SPAG16: variants seen among roughly 807,000 people sequenced by gnomAD.
The protein encoded by SPAG16 is sperm-associated antigen 16 protein.
Under a neutral mutation model 80.4 loss-of-function variants are expected in SPAG16, and 86 were observed. That is an observed-to-expected ratio of 1.07 (90% CI 0.90 to 1.28). The LOEUF is 1.28. Among genes scored for constraint, SPAG16 ranks in the 50% most tolerant of loss-of-function variants. SPAG16 has a pLI of 0.00. For synonymous variants in SPAG16, 294 were observed against 265.9 expected (o/e 1.11, Z -1.03); for missense variants, 870 against 765.3 (o/e 1.14, Z -1.61).
Position 213,284,495 on chromosome 2 carries a change from G to A in SPAG16, c.12G>A (p.Gln4=), listed in dbSNP as rs1480646944. The A allele has an allele frequency of 1.3e-6, 2 of 1,571,240 alleles. No individual in the cohort carries two copies. Among genetic ancestry groups the A allele is most frequent in the Admixed American group, 1.9e-5 (1 of 53,266 alleles). Residue 4 remains glutamine, a synonymous_variant, in exon 1 of 16, where the codon CAG becomes CAA. Coordinates refer to ENST00000331683, the MANE Select transcript of SPAG16 (RefSeq NM_024532.5). MAA[Q]RGMPSSAVRV... ...CCGAAGCGCCAGAGATGGCTGCTCA[G>A]CGAGGGATGCCCAGCTCCGCCGTGA...
intron 10 of SPAG16, among the ~76,000 whole-genome samples, chr2:213,550,576 A>T (rs2076750893): frequency 6.6e-6 from 1 of 152,052 alleles, no homozygotes. Flanking sequence ...CATTCCACTT[A>T]CTCAAGTATA....
intron 10 of SPAG16, among the ~76,000 whole-genome samples, chr2:213,708,371 A>C (rs2065844364): frequency 6.6e-6 from 1 of 152,220 alleles, no homozygotes; most frequent in Non-Finnish European, 1.5e-5. Flanking sequence ...AGAGTATGTC[A>C]GTGGTAAAAT....
intron 10 of SPAG16, among the ~76,000 whole-genome samples, chr2:213,627,401 T>C (rs2125070587): frequency 6.6e-6 from 1 of 152,350 alleles, no homozygotes; most frequent in South Asian, 2.1e-4. Flanking sequence ...ACACATACTT[T>C]CTTCTTGGCT....
rs1376923092 is a variant in SPAG16 at position 213,844,802 on chromosome 2, C to T, written c.1071-17683C>T. On this transcript the variant is annotated intron_variant, in intron 10 of 15. Transcript: ENST00000331683. ...AGTAACTATTTTTAATGTTTTTAGT[C>T]ATTCGTCTTTATGTAACATTACTTT... Among the ~76,000 whole-genome samples the T allele has an allele frequency of 2.0e-5, 3 of 152,216 alleles. No homozygotes were observed. The South Asian group carries it at 6.2e-4, about 32-fold the overall frequency.
intron 15 of SPAG16, among the ~76,000 whole-genome samples, chr2:214,364,735 G>A (rs1699375721): frequency 6.6e-6 from 1 of 152,140 alleles, no homozygotes; most frequent in African/African-American, 2.4e-5. Context: ...TGAAATACAG[G>A]GACACTTTGG....
chr2:213,796,933 A>AAGACCTTTTAGTG (rs1250052065), intron 10 of SPAG16, among the ~76,000 whole-genome samples: 1 of 28,342 alleles, frequency 3.5e-5, no homozygotes, highest in Non-Finnish European at 1.7e-4. Flanking sequence ...ATTTCTCCTA[A>AAGACCTTTTAGTG]AGACCTTTTA....
intron 10 of SPAG16, among the ~76,000 whole-genome samples, chr2:213,694,735 TCTC>T (rs1462370883): frequency 6.6e-6 from 1 of 151,446 alleles, no homozygotes; most frequent in African/African-American, 2.4e-5. Context: ...CTTGCATTCC[TCTC>T]TTCTTGCCTT....
chr2:214,234,841 C>T (rs1476027970), intron 15 of SPAG16, among the ~76,000 whole-genome samples: 1 of 152,086 alleles, frequency 6.6e-6, no homozygotes, highest in Non-Finnish European at 1.5e-5. Flanking sequence ...CATAGTCACA[C>T]ATGTTCACAT....
intron 10 of SPAG16, among the ~76,000 whole-genome samples, chr2:213,683,432 T>G (rs2064493853): frequency 6.6e-6 from 1 of 152,088 alleles, no homozygotes. Context: ...GCTCCTTTAG[T>G]CCCAGCTTCT....
intron 6 of SPAG16, among the ~76,000 whole-genome samples, chr2:213,341,859 C>A (rs1450308094): frequency 6.6e-6 from 1 of 152,044 alleles, no homozygotes; most frequent in Non-Finnish European, 1.5e-5. Context: ...CCATTTAACA[C>A]AAGTATCTTA....
intron 15 of SPAG16, among the ~76,000 whole-genome samples, chr2:214,269,124 G>T (rs1691806646): frequency 6.6e-6 from 1 of 151,944 alleles, no homozygotes; most frequent in South Asian, 2.1e-4. Flanking sequence ...AGGTATCCAT[G>T]TAATATATAG....
At chr2:214,001,765 T>C (rs1350395302) in intron 12 of SPAG16, among the ~76,000 whole-genome samples, 1 of 152,178 alleles carries the variant, frequency 6.6e-6, no homozygotes, top group Non-Finnish European at 1.5e-5. Context: ...TACTTTACAC[T>C]GAAAGTAAAG....
chr2:213,288,267 T>G (rs1233398883), intron 1 of SPAG16, among the ~76,000 whole-genome samples: 1 of 152,056 alleles, frequency 6.6e-6, no homozygotes, highest in Non-Finnish European at 1.5e-5. Flanking sequence ...GCCATAGTAA[T>G]GTTGACTGAT....
In SPAG16 at chr2:214,215,466, G is replaced by A. The variant is rs191008997; in HGVS notation, c.1720+66200G>A. On this transcript the variant is annotated intron_variant, in intron 15 of 15. Transcript: ENST00000331683. ...TGTTTACTCCTCCCTTCAGAAGCTT[G>A]TAGACCTTATGGTCACCTCCTTCTC... Among the ~76,000 whole-genome samples, 91 of 152,196 alleles carry A rather than the reference G, an allele frequency of 6.0e-4. 1 individual carries two copies. Among genetic ancestry groups the A allele is most frequent in the Non-Finnish European group, 1.0e-3 (69 of 68,008 alleles).
chr2:213,591,788 G>T (rs748198494), intron 10 of SPAG16, among the ~76,000 whole-genome samples: 7 of 152,152 alleles, frequency 4.6e-5, no homozygotes, highest in Non-Finnish European at 8.8e-5. Context: ...TGGCTAAACT[G>T]ACATAAAAGG....
At chr2:213,989,616 C>T (rs556716816) in intron 12 of SPAG16, among the ~76,000 whole-genome samples, 50 of 152,070 alleles carry the variant, frequency 3.3e-4, no homozygotes, top group African/African-American at 1.1e-3. Flanking sequence ...ACTATATTTA[C>T]GTAAGATATG....
chr2:214,216,159 G>C (rs2058426587), intron 15 of SPAG16, among the ~76,000 whole-genome samples: 1 of 152,150 alleles, frequency 6.6e-6, no homozygotes, highest in African/African-American at 2.4e-5. Context: ...GATATTGATT[G>C]GGATTGAAAA....
At chr2:213,462,292 A>C (rs1416319757) in intron 9 of SPAG16, among the ~76,000 whole-genome samples, 2 of 152,218 alleles carry the variant, frequency 1.3e-5, no homozygotes, top group Non-Finnish European at 2.9e-5. Context: ...TATGGAGTTA[A>C]TTTCAGCTGG....
intron 7 of SPAG16, among the ~76,000 whole-genome samples, chr2:213,360,016 G>C (rs1221948134): frequency 6.6e-6 from 1 of 152,124 alleles, no homozygotes; most frequent in African/African-American, 2.4e-5. Flanking sequence ...GAGAAGTTAG[G>C]ATTTATAAAT....
Sources: allele counts gnomAD v4.1 joint callset (sites outside exome capture counted in the v4.1 genomes callset), GRCh38; gene constraint gnomAD v4.1.1; transcripts MANE v1.5; gene names NCBI Gene and HGNC (gene_info 2026-07-23, HGNC 2026-07-21).